The following EPB41L3 variants were observed in gnomAD, a reference collection of about 807,000 sequenced individuals.
EPB41L3 encodes band 4.1-like protein 3.
A neutral mutation model predicts 127.1 loss-of-function variants in EPB41L3; 57 were observed. That is an observed-to-expected ratio of 0.45 (90% CI 0.36 to 0.56). The LOEUF (loss-of-function observed/expected upper bound fraction) is 0.56. Ranked by LOEUF, EPB41L3 falls within the 20% of genes least tolerant of loss-of-function variation. The pLI, the probability that EPB41L3 is intolerant of heterozygous loss-of-function variation, is 0.00. For missense variants in EPB41L3, 1,273 were observed against 1,372.2 expected (o/e 0.93, Z 1.14); for synonymous variants, 572 against 549.5 (o/e 1.04, Z -0.57).
chr18:5,437,151 C>T (rs1005416728), intron 6 of EPB41L3, among the ~76,000 whole-genome samples: 5 of 152,128 alleles, frequency 3.3e-5, no homozygotes, highest in African/African-American at 4.8e-5. Flanking sequence ...CCTCCAAATC[C>T]ATATGTTCGA....
rs941530539 is a variant in EPB41L3 at position 5,543,002 on chromosome 18, C to G, written c.-12+911G>C. On this transcript the variant is annotated intron_variant, in intron 1 of 22. Transcript: ENST00000341928. This position sits in a 1 kb window ranked among gnomAD's most constrained non-coding sequence, Gnocchi z 5.2. ...AGCCCTAGCCTCCCCACCCCCACCG[C>G]GGCAGAGCCGCCTTCGCAGACACCT... is the stretch of plus-strand genomic sequence containing the variant. Among the ~76,000 whole-genome samples the G allele has an allele frequency of 2.0e-5, 3 of 152,128 alleles. No homozygotes were observed. Among genetic ancestry groups the G allele is most frequent in the Non-Finnish European group, 4.4e-5 (3 of 67,994 alleles).
chr18:5,416,177 C>A lies in EPB41L3; in HGVS notation c.1708G>T (p.Asp570Tyr), dbSNP rs1019070520. The A allele has an allele frequency of 6.2e-7, 1 of 1,614,094 alleles. No homozygotes were observed. Among genetic ancestry groups the A allele is most frequent in the Admixed American group, 1.7e-5 (1 of 60,018 alleles). Residue 570 changes from aspartate to tyrosine, a missense_variant, in exon 13 of 23, where the codon GAT becomes TAT. Asp to Tyr is a radical substitution (Grantham distance 160, BLOSUM62 -3). Transcript: ENST00000341928. ...GPGRPYLGDQDVAFSYRQQTG... is the reference protein window; with the variant it reads ...GPGRPYLGDQYVAFSYRQQTG... The stretch of plus-strand genomic sequence containing the variant: ...TGCTGTCTGTAGCTAAAAGCCACAT[C>A]TTGATCCCCTAGGTAAGGCCTCCCT...
chr18:5,519,872 A>C (rs756800784), intron 1 of EPB41L3, among the ~76,000 whole-genome samples: 2 of 152,226 alleles, frequency 1.3e-5, no homozygotes, highest in Non-Finnish European at 2.9e-5. Context: ...TTTCAAGGAA[A>C]TCACTAGAAT....
chr18:5,588,323 C>T (rs2094457502), intron 3 of EPB41L3, among the ~76,000 whole-genome samples: 1 of 151,918 alleles, frequency 6.6e-6, no homozygotes, highest in African/African-American at 2.4e-5. Context: ...TAAACATGCC[C>T]TTAATAGTGT....
At chr18:5,553,543 G>T (rs2093993244) in intron 3 of EPB41L3, among the ~76,000 whole-genome samples, 1 of 152,152 alleles carries the variant, frequency 6.6e-6, no homozygotes, top group Non-Finnish European at 1.5e-5. Flanking sequence ...CCCAAAATGG[G>T]GTCATTGTAT....
At chr18:5,485,876 T>C (rs2148178838) in intron 2 of EPB41L3, among the ~76,000 whole-genome samples, 1 of 152,258 alleles carries the variant, frequency 6.6e-6, no homozygotes, top group African/African-American at 2.4e-5. Context: ...TGCTCATGGA[T>C]TAGAAGACTT....
chr18:5,599,089 A>G (rs1307045757), intron 3 of EPB41L3, among the ~76,000 whole-genome samples: 1 of 152,240 alleles, frequency 6.6e-6, no homozygotes, highest in African/African-American at 2.4e-5. Flanking sequence ...TATGGAACAG[A>G]GATCTGAGTT....
chr18:5,407,335 T>A (rs1314691504), intron 15 of EPB41L3: 1 of 395,658 alleles, frequency 2.5e-6, no homozygotes, highest in African/African-American at 2.0e-5. Context: ...CACTTATTAA[T>A]GGATGAGCAC....
chr18:5,535,400 T>G (rs2093542247), intron 1 of EPB41L3, among the ~76,000 whole-genome samples: 1 of 152,184 alleles, frequency 6.6e-6, no homozygotes, highest in Non-Finnish European at 1.5e-5. Context: ...GCAGACAACC[T>G]AGTCAATCTC....
intron 3 of EPB41L3, among the ~76,000 whole-genome samples, chr18:5,568,427 T>TA (rs555002375): frequency 0.48 from 52,534 of 109,092 alleles, 12,387 homozygotes; most frequent in South Asian, 0.49. Flanking sequence ...CTCTGGATAG[T>TA]AAAAAAAAAA....
At chr18:5,563,035 CAGGT>C (rs932470384) in intron 3 of EPB41L3, among the ~76,000 whole-genome samples, 8 of 152,150 alleles carry the variant, frequency 5.3e-5, no homozygotes, top group African/African-American at 1.9e-4. Flanking sequence ...GAAATAAGCT[CAGGT>C]AGTATGGGAG....
intron 3 of EPB41L3, among the ~76,000 whole-genome samples, chr18:5,461,070 A>G (rs2147102390): frequency 6.6e-6 from 1 of 152,242 alleles, no homozygotes; most frequent in African/African-American, 2.4e-5. Flanking sequence ...TCATCATACT[A>G]TTAAAGAAAG....
chr18:5,490,077 A>T (rs2090404616), intron 1 of EPB41L3, among the ~76,000 whole-genome samples: 1 of 152,222 alleles, frequency 6.6e-6, no homozygotes, highest in South Asian at 2.1e-4. Flanking sequence ...ATACCTAAAT[A>T]ACTTATTTCT....
chr18:5,528,024 G>A (rs12607610), intron 1 of EPB41L3, among the ~76,000 whole-genome samples: 43,002 of 151,962 alleles, frequency 0.28, 7,196 homozygotes, highest in African/African-American at 0.47. Flanking sequence ...ACCACAAATA[G>A]TTTAGTAATG....
intron 3 of EPB41L3, among the ~76,000 whole-genome samples, chr18:5,452,020 G>A (rs1036027879): frequency 3.3e-5 from 5 of 152,046 alleles, no homozygotes; most frequent in Non-Finnish European, 5.9e-5. Context: ...TGTAATTTTA[G>A]TAGAGACATG....
intron 1 of EPB41L3, among the ~76,000 whole-genome samples, chr18:5,530,296 C>T (rs58650572): frequency 0.017 from 2,569 of 152,222 alleles, 73 homozygotes; most frequent in African/African-American, 0.059. Flanking sequence ...AGCTAGACTG[C>T]TATGGTGCCA....
chr18:5,433,638 T>G, intron 7 of EPB41L3, 82 bp from the exon 8 acceptor site: 1 of 1,282,948 alleles, frequency 7.8e-7, no homozygotes. Context: ...TTCCATGCTA[T>G]CTCATAAGAA....
chr18:5,427,768 C>T (rs527354630), intron 9 of EPB41L3, among the ~76,000 whole-genome samples: 16 of 151,280 alleles, frequency 1.1e-4, no homozygotes, highest in South Asian at 6.3e-4. Flanking sequence ...TTTTTTGAGA[C>T]GGAGTCTCGC....
intron 9 of EPB41L3, among the ~76,000 whole-genome samples, chr18:5,425,379 G>C (rs1024541446): frequency 6.6e-6 from 1 of 152,124 alleles, no homozygotes; most frequent in Non-Finnish European, 1.5e-5. Context: ...AGTGGTGTTT[G>C]TAAAAATCAC....
Sources: allele counts gnomAD v4.1 joint callset (sites outside exome capture counted in the v4.1 genomes callset), GRCh38; gene constraint gnomAD v4.1.1; non-coding constraint Gnocchi (gnomAD v3.1); transcripts MANE v1.5; gene names NCBI Gene and HGNC (gene_info 2026-07-23, HGNC 2026-07-21).